CDH12: variants seen among roughly 807,000 people sequenced by gnomAD.
CDH12 encodes cadherin-12.
In CDH12, 41 loss-of-function variants were observed where a neutral mutation model predicts 74.1. The ratio of observed to expected loss-of-function variants is 0.55; its 90% CI spans 0.43 to 0.72. CDH12 has a LOEUF of 0.72. Ranked by LOEUF, CDH12 falls within the 30% of genes least tolerant of loss-of-function variation. The pLI is 0.00. For missense variants in CDH12, 945 were observed against 977.2 expected, an observed-to-expected ratio of 0.97 and a Z score of 0.44; for synonymous variants, 399 against 355.0, an observed-to-expected ratio of 1.12 and a Z score of -1.39.
chr5:22,736,434 G>T (rs2127010955), intron 1 of CDH12, among the ~76,000 whole-genome samples: 1 of 151,660 alleles, frequency 6.6e-6, no homozygotes, highest in East Asian at 1.9e-4. Flanking sequence ...TAGTTTTGCT[G>T]TTGCCTTTGC....
chr5:22,186,031 C>T (rs1327800490), intron 4 of CDH12, among the ~76,000 whole-genome samples: 6 of 152,130 alleles, frequency 3.9e-5, no homozygotes, highest in Non-Finnish European at 7.3e-5. Flanking sequence ...CTAAGTACAC[C>T]TGACAGAATT....
chr5:22,521,096 G>C (rs1737036406), intron 1 of CDH12, among the ~76,000 whole-genome samples: 1 of 151,386 alleles, frequency 6.6e-6, no homozygotes, highest in African/African-American at 2.4e-5. Flanking sequence ...TCTCTTACAT[G>C]TTTCTGGTAA....
At chr5:22,300,106 A>G (rs1318420044) in intron 3 of CDH12, among the ~76,000 whole-genome samples, 2 of 152,202 alleles carry the variant, frequency 1.3e-5, no homozygotes, top group Non-Finnish European at 2.9e-5. Flanking sequence ...AAGAACTGAA[A>G]GAAATGACAT....
At chr5:21,753,861 AG>A (rs1279190964) in intron 14 of CDH12, among the ~76,000 whole-genome samples, 1 of 152,200 alleles carries the variant, frequency 6.6e-6, no homozygotes, top group Non-Finnish European at 1.5e-5. Context: ...AAGCCATGTT[AG>A]GTTGATACTG....
intron 1 of CDH12, among the ~76,000 whole-genome samples, chr5:22,775,402 T>C (rs1384954934): frequency 6.6e-6 from 1 of 152,106 alleles, no homozygotes; most frequent in Non-Finnish European, 1.5e-5. Flanking sequence ...GAAAATCTCA[T>C]TTCAGGAACA....
intron 3 of CDH12, among the ~76,000 whole-genome samples, chr5:22,258,773 T>A (rs1267481100): frequency 6.6e-6 from 1 of 152,106 alleles, no homozygotes; most frequent in Non-Finnish European, 1.5e-5. Flanking sequence ...AGTAACATGC[T>A]GTACAGATTT....
chr5:22,080,110 G>A (rs769609622), intron 4 of CDH12, among the ~76,000 whole-genome samples: 2 of 152,084 alleles, frequency 1.3e-5, no homozygotes, highest in African/African-American at 2.4e-5. Context: ...TCTAAAGGCC[G>A]AAAACGTTGG....
intron 1 of CDH12, among the ~76,000 whole-genome samples, chr5:22,747,167 TTTTTA>T (rs1234948297): frequency 6.6e-6 from 1 of 152,174 alleles, no homozygotes; most frequent in Admixed American, 6.5e-5. Flanking sequence ...ATGTAAATAA[TTTTTA>T]TATAAGAAAA....
intron 1 of CDH12, among the ~76,000 whole-genome samples, chr5:22,710,124 A>G (rs1743216885): frequency 6.6e-6 from 1 of 152,156 alleles, no homozygotes; most frequent in South Asian, 2.1e-4. Flanking sequence ...TCTATTTCCT[A>G]TAATTTATAT....
At chr5:22,383,116 C>T (rs554279159) in intron 3 of CDH12, among the ~76,000 whole-genome samples, 16 of 152,274 alleles carry the variant, frequency 1.1e-4, no homozygotes, top group African/African-American at 3.1e-4. Flanking sequence ...CAGGCGTGAG[C>T]CACTGCGCCC....
At chr5:22,813,823 G>A (rs1220854255) in intron 1 of CDH12, among the ~76,000 whole-genome samples, 3 of 152,096 alleles carry the variant, frequency 2.0e-5, no homozygotes, top group African/African-American at 2.4e-5. Context: ...TTCCCTGGTC[G>A]AGCCTCAGAT....
intron 4 of CDH12, among the ~76,000 whole-genome samples, chr5:22,132,184 C>A (rs1746211423): frequency 2.0e-5 from 3 of 151,908 alleles, no homozygotes; most frequent in Admixed American, 6.6e-5. Flanking sequence ...GGAAGTGCTA[C>A]AACCTCCTTC....
chr5:22,733,568 A>G (rs953896940), intron 1 of CDH12, among the ~76,000 whole-genome samples: 2 of 151,342 alleles, frequency 1.3e-5, no homozygotes, highest in Non-Finnish European at 2.9e-5. Flanking sequence ...ATGATGTCAT[A>G]TTTTTGCCAA....
chr5:22,845,205 C>T (rs1737248116), intron 1 of CDH12, among the ~76,000 whole-genome samples: 1 of 151,962 alleles, frequency 6.6e-6, no homozygotes, highest in Non-Finnish European at 1.5e-5. Context: ...TTATTTTATT[C>T]CCCTAATCAT....
intron 6 of CDH12, among the ~76,000 whole-genome samples, chr5:21,950,759 TATTA>T (rs1422666756): frequency 1.5e-4 from 12 of 82,606 alleles, no homozygotes; most frequent in Non-Finnish European, 8.3e-5. Context: ...AATTTTATTT[TATTA>T]TTATTATTAT....
intron 3 of CDH12, among the ~76,000 whole-genome samples, chr5:22,313,366 A>C (rs1738471095): frequency 6.6e-6 from 1 of 152,244 alleles, no homozygotes; most frequent in Admixed American, 6.5e-5. Context: ...AAGAAGGGAT[A>C]TGAAACTTTA....
At chr5:22,496,633 A>T (rs1010993347) in intron 2 of CDH12, among the ~76,000 whole-genome samples, 2 of 152,160 alleles carry the variant, frequency 1.3e-5, no homozygotes, top group African/African-American at 4.8e-5. Context: ...TTTGCTCAGC[A>T]ATCCATCAAC....
chr5:22,411,108 A>C (rs1289873430), intron 2 of CDH12, among the ~76,000 whole-genome samples: 10 of 152,032 alleles, frequency 6.6e-5, no homozygotes, highest in Non-Finnish European at 1.5e-4. Context: ...GTATATACAA[A>C]GATATATAAT....
Position 21,760,448 on chromosome 5 carries a change from T to C in CDH12, c.1633+110A>G, listed in dbSNP as rs573960884. On this transcript the variant is annotated intron_variant, in intron 13 of 14. Transcript: ENST00000382254. ...GAATATTGCCTTTCTCATGTAAGGA[T>C]CTCATATTTTATGAAATTAAGTGCT... 6.8e-5 allele frequency: 46 copies of C among 678,844 alleles called. 1 individual carries two copies. In the South Asian group the frequency reaches 8.0e-4, roughly 12 times the overall value. 42.1% of individuals were successfully genotyped at this position (678,844 alleles called of 1,614,324 possible). A position where few individuals can be genotyped will look rare whatever the true frequency, so the allele number is the denominator to read the frequency against.
Sources: allele counts gnomAD v4.1 joint callset (sites outside exome capture counted in the v4.1 genomes callset), GRCh38; gene constraint gnomAD v4.1.1; transcripts MANE v1.5; gene names NCBI Gene and HGNC (gene_info 2026-07-23, HGNC 2026-07-21).